Variants in CPSF2 observed in about 807,000 individuals in gnomAD.
CPSF2 encodes the protein cleavage and polyadenylation specific factor 2.
A neutral mutation model predicts 84.2 loss-of-function variants in CPSF2; 51 were observed. The observed-to-expected ratio is 0.61, with a 90% CI of 0.48 to 0.77. CPSF2 has a LOEUF of 0.77. Ranked by LOEUF, CPSF2 falls within the 30% of genes least tolerant of loss-of-function variation. CPSF2 has a pLI of 0.00. For missense variants in CPSF2, 641 were observed against 929.4 expected (o/e 0.69, Z 4.03); for synonymous variants, 286 against 311.9 (o/e 0.92, Z 0.87).
At position 92,157,089 on chromosome 14, in the gene CPSF2, A is replaced by G. The variant is rs1412223112; in HGVS notation, c.1595+458A>G. On this transcript the variant is annotated intron_variant, in intron 12 of 15. Coordinates refer to ENST00000298875, the MANE Select transcript of CPSF2 (RefSeq NM_017437.3). The surrounding 1 kb of genome is among the most constrained non-coding windows in gnomAD (Gnocchi z 4.0). ...AGAAACCTTTTTTCTCCCGCTTTCTACTTAGTTAAATAATACCAGTAAGTG... is the reference window on the plus strand; with the variant it reads ...AGAAACCTTTTTTCTCCCGCTTTCTGCTTAGTTAAATAATACCAGTAAGTG... Among the ~76,000 whole-genome samples, 1 of 152,178 alleles carries G rather than the reference A, an allele frequency of 6.6e-6. No individual in the cohort carries two copies. Among genetic ancestry groups the G allele is most frequent in the African/African-American group, 2.4e-5 (1 of 41,444 alleles).
chr14:92,130,854 A>G (rs868242441), intron 2 of CPSF2, 97 bp from the exon 3 acceptor site: 14 of 719,876 alleles, frequency 1.9e-5, no homozygotes, highest in East Asian at 1.3e-4. Context: ...TGGAATTTCT[A>G]TGCACTTAAA....
rs1386020905 is a variant in CPSF2, at chr14:92,157,565, C to T, written c.1596-94C>T. 1.3e-6 allele frequency: 1 copy of T among 747,222 alleles called. No individual in the cohort carries two copies. Among genetic ancestry groups the T allele is most frequent in the East Asian group, 2.7e-5 (1 of 37,134 alleles). 46.3% of individuals were successfully genotyped at this position (747,222 alleles called of 1,614,324 possible). ...CAGATACTATAACATGTGTATTTCT[C>T]AAATCCTAGTGTTATATATTGTATA... On this transcript the variant is annotated intron_variant, in intron 12 of 15. Coordinates refer to ENST00000298875, the MANE Select transcript of CPSF2 (RefSeq NM_017437.3). This position sits in a 1 kb window ranked among gnomAD's most constrained non-coding sequence, Gnocchi z 4.0.
chr14:92,135,223 T>G (rs1486699843), intron 5 of CPSF2, 144 bp from the exon 6 acceptor site: 1 of 627,544 alleles, frequency 1.6e-6, no homozygotes, highest in Non-Finnish European at 2.6e-6. Context: ...GAGTGAAGCC[T>G]GCTTTCACTA....
At position 92,154,452 on chromosome 14, in the gene CPSF2, C is replaced by G. The variant is rs755776421; in HGVS notation, c.1235C>G (p.Ser412Ter). 6.3e-7 allele frequency: 1 copy of G among 1,593,974 alleles called. No individual in the cohort carries two copies. Residue 412 changes from serine to a stop codon, truncating the protein, a stop_gained, in exon 10 of 16, where the codon TCA becomes TGA. Coordinates refer to ENST00000298875, the MANE Select transcript of CPSF2 (RefSeq NM_017437.3). LOFTEE classifies it high-confidence loss of function. Reference protein sequence around the residue: ...KKEAAKKLEQSKEADIDSSDE... With the variant: ...KKEAAKKLEQ Reference sequence around the variant, plus strand: ...GAAGCTGCCAAAAAGCTTGAGCAGTCAAAAGAGTGAGTCATTTTCAGACAG... The same window carrying G: ...GAAGCTGCCAAAAAGCTTGAGCAGTGAAAAGAGTGAGTCATTTTCAGACAG...
At chr14:92,132,537 C>G (rs571203759) in intron 3 of CPSF2, among the ~76,000 whole-genome samples, 5 of 149,530 alleles carry the variant, frequency 3.3e-5, no homozygotes, top group East Asian at 2.0e-4. Context: ...TTTGGGAGGC[C>G]GAGGCGGGCA....
chr14:92,154,579 C>T (rs1595064865), intron 10 of CPSF2, 121 bp downstream of exon 10: 1 of 633,730 alleles, frequency 1.6e-6, no homozygotes, highest in African/African-American at 1.8e-5. Flanking sequence ...TTGTTACAGA[C>T]ATCTTTCAAA....
chr14:92,154,766 A>G (rs1335275271), intron 10 of CPSF2, among the ~76,000 whole-genome samples: 2 of 152,224 alleles, frequency 1.3e-5, no homozygotes, highest in Non-Finnish European at 2.9e-5. Flanking sequence ...ACATTAGGAT[A>G]TATGTTTACA....
intron 12 of CPSF2, among the ~76,000 whole-genome samples, chr14:92,156,972 G>A (rs1439269650): frequency 6.6e-6 from 1 of 152,166 alleles, no homozygotes; most frequent in African/African-American, 2.4e-5. Context: ...TAATTTTTCT[G>A]AGTAACTGCT....
intron 3 of CPSF2, among the ~76,000 whole-genome samples, chr14:92,132,181 C>G (rs2068940846): frequency 6.6e-6 from 1 of 151,838 alleles, no homozygotes; most frequent in South Asian, 2.1e-4. Flanking sequence ...GTTGCCCAAG[C>G]TGGAGTGCAA....
At chr14:92,149,402 A>G (rs965065377) in intron 9 of CPSF2, among the ~76,000 whole-genome samples, 12 of 151,386 alleles carry the variant, frequency 7.9e-5, no homozygotes, top group African/African-American at 2.4e-4. Context: ...GGCAACAGCA[A>G]CACTCTGCCT....
Position 92,169,474 on chromosome 14 carries a change from A to G in CPSF2, c.*7730A>G, listed in dbSNP as rs1298656711. 1 of 152,214 alleles carries G rather than the reference A, an allele frequency of 6.6e-6. No homozygotes were observed. Among genetic ancestry groups the G allele is most frequent in the Non-Finnish European group, 1.5e-5 (1 of 68,040 alleles). 9.4% of individuals were successfully genotyped at this position (152,214 alleles called of 1,614,324 possible). Reference sequence around the variant, plus strand: ...ACTTTTATAAAGTATCAAATTATGTAGATGATGACGAAGTTATAAGGTTAC... The same window carrying G: ...ACTTTTATAAAGTATCAAATTATGTGGATGATGACGAAGTTATAAGGTTAC... On this transcript the variant is annotated 3_prime_UTR_variant, in exon 16 of 16. Coordinates refer to ENST00000298875, the MANE Select transcript of CPSF2 (RefSeq NM_017437.3).
At chr14:92,156,901 A>C (rs1416584329) in intron 12 of CPSF2, among the ~76,000 whole-genome samples, 1 of 152,192 alleles carries the variant, frequency 6.6e-6, no homozygotes, top group Admixed American at 6.5e-5. Flanking sequence ...ATATGAAGAA[A>C]AATTATTTTT....
At chr14:92,152,099 G>T (rs2069227224) in intron 9 of CPSF2, among the ~76,000 whole-genome samples, 1 of 150,200 alleles carries the variant, frequency 6.7e-6, no homozygotes, top group Non-Finnish European at 1.5e-5. Context: ...TGTTAATGTT[G>T]CCATGTGGTT....
intron 1 of CPSF2, 146 bp from the exon 2 acceptor site, chr14:92,125,976 C>T (rs1001010600): frequency 1.3e-5 from 2 of 152,136 alleles, no homozygotes; most frequent in African/African-American, 4.8e-5. Context: ...AAATTAATGA[C>T]AGATCTCTTT....
intron 11 of CPSF2, among the ~76,000 whole-genome samples, chr14:92,156,147 G>A (rs1172889448): frequency 1.3e-5 from 2 of 152,042 alleles, no homozygotes; most frequent in Admixed American, 6.5e-5. Flanking sequence ...AAAATTAGCC[G>A]GGCGTGATGG....
chr14:92,130,871 A>T lies in CPSF2; in HGVS notation c.-34-80A>T, dbSNP rs2068915422. 7 of 871,126 alleles carry T rather than the reference A, an allele frequency of 8.0e-6. No homozygotes were observed. The East Asian group carries it at 2.2e-4, about 28-fold the overall frequency. The allele number at this position is 871,126 out of a possible 1,614,324, so 54.0% of individuals were successfully genotyped here. A position where few individuals can be genotyped will look rare whatever the true frequency, so the allele number is the denominator to read the frequency against. On this transcript the variant is annotated intron_variant, in intron 2 of 15. Transcript: ENST00000298875. Reference sequence around the variant, plus strand: ...GAATTTCTATGCACTTAAAGATTTGAAATAATTTTAATCAATTTGTTTATT... The same window carrying T: ...GAATTTCTATGCACTTAAAGATTTGTAATAATTTTAATCAATTTGTTTATT...
intron 9 of CPSF2, among the ~76,000 whole-genome samples, chr14:92,147,516 A>G (rs2069158658): frequency 6.6e-6 from 1 of 152,200 alleles, no homozygotes; most frequent in Non-Finnish European, 1.5e-5. Context: ...TAAGATGGAG[A>G]TAAAAATTTA....
At chr14:92,130,246 A>G (rs971656603) in intron 2 of CPSF2, among the ~76,000 whole-genome samples, 5 of 151,450 alleles carry the variant, frequency 3.3e-5, no homozygotes, top group South Asian at 2.1e-4. Flanking sequence ...GTGAATTTCT[A>G]CGTGTATATG....
At chr14:92,136,659 C>T (rs2069003403) in intron 6 of CPSF2, among the ~76,000 whole-genome samples, 1 of 152,182 alleles carries the variant, frequency 6.6e-6, no homozygotes, top group South Asian at 2.1e-4. Flanking sequence ...AAGCAGGGAG[C>T]TCTCTTCTTC....
Sources: gnomAD v4.1 joint callset for allele counts (sites outside exome capture counted in the v4.1 genomes callset) on GRCh38, gnomAD v4.1.1 for gene constraint, Gnocchi (gnomAD v3.1) non-coding constraint, MANE v1.5 for transcripts, NCBI Gene and HGNC (gene_info 2026-07-23, HGNC 2026-07-21) for gene names.